The following ATP11C variants were observed in gnomAD, a reference collection of about 807,000 sequenced individuals.
ATP11C encodes the protein phospholipid-transporting ATPase IG.
ATP11C carries 36 observed loss-of-function variants against 97.4 expected under a neutral mutation model. The observed-to-expected ratio is 0.37, with a 90% CI of 0.28 to 0.49. The LOEUF is 0.49. Ranked by LOEUF, ATP11C falls within the 20% of genes least tolerant of loss-of-function variation. The probability of loss-of-function intolerance (pLI) is 0.98; values close to 1 mark genes in which losing one functional copy is unlikely to be tolerated. For synonymous variants in ATP11C, 275 were observed against 290.9 expected, an observed-to-expected ratio of 0.95 and a Z score of 0.56; for missense variants, 730 against 824.6, an observed-to-expected ratio of 0.89 and a Z score of 1.40.
rs1297443682 is a variant in ATP11C at position 139,743,616 on chromosome X, T to C, written c.2973A>G (p.Gly991=). 1 of 1,137,780 alleles carries C rather than the reference T, an allele frequency of 8.8e-7. No homozygotes were observed. The highest frequency in any genetic ancestry group is 1.2e-6 in the Non-Finnish European group (1 of 838,109). The allele number at this position is 1,137,780 out of a possible 1,213,427, so 93.8% of individuals were successfully genotyped here. A position where few individuals can be genotyped will look rare whatever the true frequency, so the allele number is the denominator to read the frequency against. ...AAACAATGGTTCCAAAAGTCCAGTT[T>C]CCGTATACCTGAAAAACATTTAATA... ...ASLEENGKVY[G]NWTFGTIVFT... is the part of the protein sequence containing the mutation. Residue 991 remains glycine (G), a synonymous_variant, in exon 26 of 30, where the codon GGA becomes GGG. Coordinates refer to ENST00000682941, the MANE Select transcript of ATP11C (RefSeq NM_001353812.2).
chrX:139,771,116 G>A (rs1432902994), intron 19 of ATP11C, among the ~76,000 whole-genome samples: 1 of 111,627 alleles, frequency 9.0e-6, no homozygotes, highest in Non-Finnish European at 1.9e-5. Context: ...AAACTGCCAT[G>A]TGTTGTGGGA....
chrX:139,880,206 T>C (rs983381557), intron 1 of ATP11C, among the ~76,000 whole-genome samples: 2 of 110,459 alleles, frequency 1.8e-5, no homozygotes, highest in African/African-American at 6.6e-5. Flanking sequence ...ATAGTAGGAG[T>C]AAGAAGAATG....
At chrX:139,752,782 T>C (rs1454218319) in intron 23 of ATP11C, among the ~76,000 whole-genome samples, 3 of 112,061 alleles carry the variant, frequency 2.7e-5, no homozygotes, top group African/African-American at 9.7e-5. Flanking sequence ...AACAGATTGA[T>C]CAGAACTTAC....
intron 1 of ATP11C, among the ~76,000 whole-genome samples, chrX:139,871,336 T>C (rs1310082286): frequency 1.9e-5 from 2 of 105,401 alleles, no homozygotes; most frequent in South Asian, 4.5e-4. Flanking sequence ...AGCTCCCGAG[T>C]AGCTGGCATT....
chrX:139,731,165 AAC>A (rs1440428260), intron 29 of ATP11C, among the ~76,000 whole-genome samples: 1 of 111,834 alleles, frequency 8.9e-6, no homozygotes, highest in Non-Finnish European at 1.9e-5. Context: ...AGTACCTGCA[AAC>A]ACACAGACAC....
At chrX:139,834,654 T>C (rs776006651) in intron 1 of ATP11C, among the ~76,000 whole-genome samples, 2 of 112,340 alleles carry the variant, frequency 1.8e-5, no homozygotes, top group Non-Finnish European at 3.8e-5. Context: ...TACATATAAA[T>C]AAAAATTGTT....
chrX:139,817,140 G>A (rs2083303123), intron 3 of ATP11C, among the ~76,000 whole-genome samples, 197 bp from the exon 4 acceptor site: 1 of 112,360 alleles, frequency 8.9e-6, no homozygotes, highest in Non-Finnish European at 1.9e-5. Context: ...TTCAGGCATA[G>A]TTTTTATCCC....
intron 6 of ATP11C, 92 bp downstream of exon 6, chrX:139,804,379 G>GAA: frequency 1.4e-6 from 1 of 703,715 alleles, no homozygotes. Context: ...ATAAAAATAA[G>GAA]AAAAAATAAA....
intron 12 of ATP11C, among the ~76,000 whole-genome samples, chrX:139,794,771 G>A (rs1259474511): frequency 2.7e-5 from 3 of 111,819 alleles, no homozygotes; most frequent in Non-Finnish European, 5.6e-5. Flanking sequence ...AACCTGACCC[G>A]GGCATCTTAT....
intron 1 of ATP11C, among the ~76,000 whole-genome samples, chrX:139,876,520 C>T (rs757874894): frequency 2.4e-4 from 27 of 112,214 alleles, no homozygotes; most frequent in Non-Finnish European, 4.1e-4. Context: ...TAGCTTTGAA[C>T]GCCTGAGCCT....
chrX:139,860,460 G>A lies in ATP11C; in HGVS notation c.28-33637C>T, dbSNP rs138846615. ...TTTACAAAGCAGAATATTTTCAAATGCCTGTTTCTGGGTCTCATATATCCT... is the reference window on the plus strand; with the variant it reads ...TTTACAAAGCAGAATATTTTCAAATACCTGTTTCTGGGTCTCATATATCCT... On this transcript the variant is annotated intron_variant, in intron 1 of 29. Transcript: ENST00000682941. Among the ~76,000 whole-genome samples the A allele has an allele frequency of 7.6e-3, 848 of 112,166 alleles. 11 individuals are homozygous for A. The highest frequency in any genetic ancestry group is 0.05 in the Admixed American group (523 of 10,539).
intron 1 of ATP11C, among the ~76,000 whole-genome samples, chrX:139,849,353 TA>T (rs1014103592): frequency 9.0e-6 from 1 of 111,004 alleles, no homozygotes; most frequent in Non-Finnish European, 1.9e-5. Flanking sequence ...TATTTTCCTT[TA>T]AAAAAAACTC....
intron 1 of ATP11C, among the ~76,000 whole-genome samples, chrX:139,915,603 G>GA (rs761514950): frequency 1.5e-4 from 17 of 110,193 alleles, no homozygotes; most frequent in African/African-American, 5.3e-4. Flanking sequence ...CCAGGAGGCA[G>GA]AGGTTACAGT....
intron 23 of ATP11C, among the ~76,000 whole-genome samples, chrX:139,757,388 T>C (rs1196440136): frequency 8.9e-6 from 1 of 111,872 alleles, no homozygotes; most frequent in Non-Finnish European, 1.9e-5. Flanking sequence ...CATCTATAGC[T>C]GCTTTACGTA....
intron 6 of ATP11C, among the ~76,000 whole-genome samples, chrX:139,803,622 T>G (rs768474346): frequency 4.6e-5 from 5 of 109,075 alleles, no homozygotes; most frequent in Non-Finnish European, 9.5e-5. Flanking sequence ...ATTTGTTATA[T>G]GTACATAAAA....
chrX:139,765,403 A>T (rs764228977), intron 20 of ATP11C, among the ~76,000 whole-genome samples: 3 of 111,980 alleles, frequency 2.7e-5, no homozygotes, highest in Non-Finnish European at 3.8e-5. Flanking sequence ...AGATAAGCAG[A>T]TTAACAATAC....
Position 139,733,049 on chromosome X carries a change from T to A in ATP11C, c.3289-1294A>T, listed in dbSNP as rs779516888. ...ATCAAAAATAACAATGGGAAAACAT[T>A]TGGTGATACCACATTTCAGTCCCAT... On this transcript the variant is annotated intron_variant, in intron 28 of 29. Coordinates refer to ENST00000682941, the MANE Select transcript of ATP11C (RefSeq NM_001353812.2). Among the ~76,000 whole-genome samples the A allele has an allele frequency of 1.1e-4, 12 of 111,693 alleles. No homozygotes were observed. The East Asian group carries it at 2.0e-3, about 18-fold the overall frequency.
intron 21 of ATP11C, among the ~76,000 whole-genome samples, chrX:139,762,512 A>C (rs1329918810): frequency 9.0e-6 from 1 of 111,422 alleles, no homozygotes; most frequent in Non-Finnish European, 1.9e-5. Context: ...GAAGACGGTG[A>C]AATTCTTTCA....
chrX:139,855,721 C>A (rs191862688), intron 1 of ATP11C, among the ~76,000 whole-genome samples: 57 of 112,127 alleles, frequency 5.1e-4, no homozygotes, highest in African/African-American at 1.7e-3. Context: ...CCTTGTTAAA[C>A]CCTGTGGGGA....
Sources: gnomAD v4.1 joint callset for allele counts (sites outside exome capture counted in the v4.1 genomes callset) on GRCh38, gnomAD v4.1.1 for gene constraint, MANE v1.5 for transcripts, NCBI Gene and HGNC (gene_info 2026-07-23, HGNC 2026-07-21) for gene names.